FYN: variants seen among roughly 807,000 people sequenced by gnomAD.
FYN encodes tyrosine-protein kinase Fyn.
Under a neutral mutation model 70.2 loss-of-function variants are expected in FYN, and 10 were observed. The observed-to-expected ratio is 0.14, with a 90% CI of 0.09 to 0.24. FYN has a LOEUF of 0.24. Among genes scored for constraint, FYN ranks in the 10% least tolerant of loss-of-function variants. The pLI is 1.00. For missense variants in FYN, 319 were observed against 673.1 expected, an observed-to-expected ratio of 0.47 and a Z score of 5.82; for synonymous variants, 236 against 248.6, an observed-to-expected ratio of 0.95 and a Z score of 0.48.
At chr6:111,822,400 T>C (rs2114370580) in intron 2 of FYN, among the ~76,000 whole-genome samples, 1 of 152,102 alleles carries the variant, frequency 6.6e-6, no homozygotes, top group Middle Eastern at 3.4e-3. Flanking sequence ...AAACACCGCA[T>C]GTTCTCACTT....
chr6:111,754,968 G>GTTTT (rs56205301), intron 3 of FYN, among the ~76,000 whole-genome samples: 1 of 142,794 alleles, frequency 7.0e-6, no homozygotes, highest in African/African-American at 2.6e-5. Flanking sequence ...AATTTAAGCT[G>GTTTT]TTTTTTTTTT....
chr6:111,862,641 G>A (rs1391638936), intron 1 of FYN, among the ~76,000 whole-genome samples: 1 of 152,180 alleles, frequency 6.6e-6, no homozygotes, highest in Non-Finnish European at 1.5e-5. Flanking sequence ...GTATGTCTAG[G>A]AGAACTGGAT....
chr6:111,823,349 C>T (rs1195498367), intron 2 of FYN, among the ~76,000 whole-genome samples: 4 of 152,078 alleles, frequency 2.6e-5, no homozygotes, highest in Non-Finnish European at 4.4e-5. Flanking sequence ...TAAAGAAAAG[C>T]CATAAATCTG....
intron 13 of FYN, 145 bp downstream of exon 13, chr6:111,674,354 G>T: frequency 2.4e-6 from 2 of 849,872 alleles, no homozygotes; most frequent in Admixed American, 2.4e-5. Context: ...CTTTTCTCTC[G>T]CTGAATACCT....
intron 12 of FYN, among the ~76,000 whole-genome samples, chr6:111,683,846 AC>A (rs1798879475): frequency 6.6e-6 from 1 of 152,298 alleles, no homozygotes; most frequent in Non-Finnish European, 1.5e-5. Flanking sequence ...AGCTGACCTG[AC>A]CTGGAACTTT....
chr6:111,663,721 C>G (rs949614335), intron 13 of FYN, among the ~76,000 whole-genome samples: 3 of 152,178 alleles, frequency 2.0e-5, no homozygotes, highest in African/African-American at 7.2e-5. Flanking sequence ...AGGGTCCCTG[C>G]CTCTGTGCCA....
chr6:111,825,328 T>C (rs1261546825), intron 2 of FYN, among the ~76,000 whole-genome samples: 2 of 152,196 alleles, frequency 1.3e-5, no homozygotes, highest in African/African-American at 2.4e-5. Context: ...TGAAATAACA[T>C]AGAGCTTCTG....
intron 13 of FYN, among the ~76,000 whole-genome samples, chr6:111,669,736 G>C (rs1369645869): frequency 6.6e-6 from 1 of 152,110 alleles, no homozygotes; most frequent in Non-Finnish European, 1.5e-5. Flanking sequence ...AAACCTCATA[G>C]GTGAGTTCTT....
rs1562480575 is a variant in FYN, at chr6:111,702,979, T to C, written c.603A>G (p.Lys201=). ...DWDDMKGDHV[K]HYKIRKLDNG... is the part of the protein sequence containing the mutation. Reference sequence around the variant, plus strand: ...TGTCAAGTTTGCGAATTTTATAATGTTTGACATGGTCTCCTTTCATATCAT... The same window carrying C: ...TGTCAAGTTTGCGAATTTTATAATGCTTGACATGGTCTCCTTTCATATCAT... Residue 201 remains lysine (K), a synonymous_variant, in exon 8 of 14, where the codon AAA becomes AAG. Transcript: ENST00000354650. 6.2e-7 allele frequency: 1 copy of C among 1,614,120 alleles called. No individual in the cohort carries two copies. The highest frequency in any genetic ancestry group is 8.5e-7 in the Non-Finnish European group (1 of 1,179,992).
chr6:111,857,780 T>C (rs1436178467), intron 1 of FYN, among the ~76,000 whole-genome samples: 7 of 152,170 alleles, frequency 4.6e-5, no homozygotes, highest in African/African-American at 1.4e-4. Flanking sequence ...TCAGTCAAAT[T>C]AAATTCACTT....
intron 5 of FYN, chr6:111,709,160 T>C (rs764866054): frequency 2.0e-5 from 3 of 151,628 alleles, no homozygotes; most frequent in Non-Finnish European, 4.4e-5. Context: ...TTTTGGTCCT[T>C]GGAGGCAGCA....
chr6:111,704,221 C>A, intron 6 of FYN, 119 bp from the exon 7 acceptor site: 1 of 707,188 alleles, frequency 1.4e-6, no homozygotes, highest in Non-Finnish European at 2.4e-6. Flanking sequence ...TTAACCTTTC[C>A]CTGGATGTAT....
intron 3 of FYN, among the ~76,000 whole-genome samples, chr6:111,770,967 C>T (rs1803428946): frequency 6.6e-6 from 1 of 152,120 alleles, no homozygotes; most frequent in Non-Finnish European, 1.5e-5. Flanking sequence ...TACCTGGGTC[C>T]TCCTCAACCT....
intron 2 of FYN, among the ~76,000 whole-genome samples, chr6:111,821,944 C>T (rs1345175679): frequency 6.8e-6 from 1 of 148,108 alleles, no homozygotes; most frequent in African/African-American, 2.6e-5. Context: ...CATCTCACAC[C>T]AGTCAGAATG....
At chr6:111,788,946 G>C (rs902843588) in intron 2 of FYN, among the ~76,000 whole-genome samples, 4 of 152,282 alleles carry the variant, frequency 2.6e-5, no homozygotes, top group African/African-American at 9.6e-5. Flanking sequence ...GCAGGGGCTA[G>C]AGTCCTTCTG....
intron 8 of FYN, 141 bp from the exon 9 acceptor site, chr6:111,700,409 C>A: frequency 1.3e-6 from 1 of 746,208 alleles, no homozygotes; most frequent in South Asian, 1.9e-5. Context: ...CCACACACAT[C>A]GTGGAACACT....
At chr6:111,745,474 G>A (rs536079691) in intron 3 of FYN, among the ~76,000 whole-genome samples, 16 of 152,176 alleles carry the variant, frequency 1.1e-4, no homozygotes, top group Non-Finnish European at 2.1e-4. Context: ...TGCTTTGCAG[G>A]CTGCAGAACA....
At chr6:111,763,771 T>G (rs1583420373) in intron 3 of FYN, among the ~76,000 whole-genome samples, 2 of 152,346 alleles carry the variant, frequency 1.3e-5, no homozygotes, top group East Asian at 3.9e-4. Flanking sequence ...AAGCATGCTT[T>G]TCAAACATGA....
intron 3 of FYN, among the ~76,000 whole-genome samples, chr6:111,762,601 G>A (rs1257613602): frequency 2.0e-5 from 3 of 152,050 alleles, no homozygotes; most frequent in Non-Finnish European, 4.4e-5. Flanking sequence ...CAGATAACAG[G>A]CCCTAAAAGG....
Sources: allele counts gnomAD v4.1 joint callset (sites outside exome capture counted in the v4.1 genomes callset), GRCh38; gene constraint gnomAD v4.1.1; transcripts MANE v1.5; gene names NCBI Gene and HGNC (gene_info 2026-07-23, HGNC 2026-07-21).